SEPTIN9: variants seen among roughly 807,000 people sequenced by gnomAD.
The protein encoded by SEPTIN9 is septin-9.
Under a neutral mutation model 56.6 loss-of-function variants are expected in SEPTIN9, and 13 were observed. The observed-to-expected ratio is 0.23, with a 90% CI of 0.15 to 0.37. The LOEUF (loss-of-function observed/expected upper bound fraction) is 0.37, where lower values mean the gene tolerates loss of function less well. Among genes scored for constraint, SEPTIN9 ranks in the 10% least tolerant of loss-of-function variants. The pLI, the probability that SEPTIN9 is intolerant of heterozygous loss-of-function variation, is 1.00. For synonymous variants in SEPTIN9, 332 were observed against 334.1 expected, an observed-to-expected ratio of 0.99 and a Z score of 0.07; for missense variants, 650 against 823.1, an observed-to-expected ratio of 0.79 and a Z score of 2.57.
rs1201891188 is a variant in SEPTIN9 at position 77,475,339 on chromosome 17, AT to A, written c.722-6803del. 15 of 1,431,566 alleles carry A rather than the reference AT, an allele frequency of 1.0e-5. No homozygotes were observed. The highest frequency in any genetic ancestry group is 1.4e-5 in the African/African-American group (1 of 69,620). 88.7% of individuals were successfully genotyped at this position (1,431,566 alleles called of 1,614,324 possible). A position where few individuals can be genotyped will look rare whatever the true frequency, so the allele number is the denominator to read the frequency against. On this transcript the variant is annotated intron_variant, in intron 3 of 11. Coordinates refer to ENST00000427177, the MANE Select transcript of SEPTIN9 (RefSeq NM_001113491.2). This position sits in a 1 kb window ranked among gnomAD's most constrained non-coding sequence, Gnocchi z 4.6. The stretch of plus-strand genomic sequence containing the variant: ...GGTTGCGAGGCAGGGCTTCCCCAGG[AT>A]TCAGCAGGGATCTGAAGGACTTTGC...
chr17:77,292,493 T>G (rs1313314364), intron 1 of SEPTIN9, among the ~76,000 whole-genome samples: 1 of 151,890 alleles, frequency 6.6e-6, no homozygotes, highest in East Asian at 1.9e-4. Context: ...TTTTTTGTTT[T>G]TTTTTTTTTA....
At chr17:77,362,040 G>A (rs1435103922) in intron 2 of SEPTIN9, among the ~76,000 whole-genome samples, 1 of 152,220 alleles carries the variant, frequency 6.6e-6, no homozygotes, top group African/African-American at 2.4e-5. Flanking sequence ...TGGGGGAGGG[G>A]CCAAGGGCCT....
chr17:77,438,445 G>A (rs776008034), intron 3 of SEPTIN9, among the ~76,000 whole-genome samples: 4 of 152,184 alleles, frequency 2.6e-5, no homozygotes, highest in Non-Finnish European at 5.9e-5. Flanking sequence ...CTGGGACTAC[G>A]TTAGGTGACA....
chr17:77,359,051 G>A (rs1598249439), intron 2 of SEPTIN9, among the ~76,000 whole-genome samples: 1 of 152,142 alleles, frequency 6.6e-6, no homozygotes, highest in Admixed American at 6.6e-5. Context: ...CCAGCCAGAG[G>A]GAAGGGAAGA....
chr17:77,456,846 A>T lies in SEPTIN9; in HGVS notation c.722-25298A>T, dbSNP rs2038226869. 6.6e-6 allele frequency among the ~76,000 whole-genome samples: 1 copy of T among 151,998 alleles called. No homozygotes were observed. Among genetic ancestry groups the T allele is most frequent in the Admixed American group, 6.5e-5 (1 of 15,274 alleles). On this transcript the variant is annotated intron_variant, in intron 3 of 11. Transcript: ENST00000427177. The surrounding 1 kb of genome is among the most constrained non-coding windows in gnomAD (Gnocchi z 6.0). The stretch of plus-strand genomic sequence containing the variant: ...CCAAGGACAAGTCCCCACGGCCAAT[A>T]CCAGATCCCAGTGACCAGCACTAGA...
chr17:77,441,480 C>G (rs1490961269), intron 3 of SEPTIN9, among the ~76,000 whole-genome samples: 1 of 152,196 alleles, frequency 6.6e-6, no homozygotes. Context: ...TTTTATGTTG[C>G]TAGCTCATAT....
At position 77,289,244 on chromosome 17, in the gene SEPTIN9, G is replaced by A. The variant is rs183595370; in HGVS notation, c.19+7690G>A. On this transcript the variant is annotated intron_variant, in intron 1 of 11. Transcript: ENST00000427177. ...CCTGAATAGCTGGGATTACAGGCAC[G>A]CGCCACCATGCCTGGCTAATTTTTG... is the stretch of plus-strand genomic sequence containing the variant. 1.4e-4 allele frequency among the ~76,000 whole-genome samples: 18 copies of A among 127,638 alleles called. No homozygotes were observed. In the East Asian group the frequency reaches 1.5e-3, roughly 10 times the overall value. 83.7% of individuals were successfully genotyped at this position (127,638 alleles called of 152,430 possible).
chr17:77,441,082 G>A (rs540799572), intron 3 of SEPTIN9, among the ~76,000 whole-genome samples: 3 of 152,336 alleles, frequency 2.0e-5, no homozygotes, highest in African/African-American at 7.2e-5. Context: ...TCAGCCTCTG[G>A]TGTGCTGGGC....
Position 77,499,213 on chromosome 17 carries a change from TC to T in SEPTIN9, c.*557del. On this transcript the variant is annotated 3_prime_UTR_variant, in exon 12 of 12. Coordinates refer to ENST00000427177, the MANE Select transcript of SEPTIN9 (RefSeq NM_001113491.2). Reference sequence around the variant, plus strand: ...TGCCCTGCTCCTAAGGGTAGAAAACTCCAGGGTCCCCTGCCACCGACTGCCC... The same window carrying T: ...TGCCCTGCTCCTAAGGGTAGAAAACTCAGGGTCCCCTGCCACCGACTGCCC... 1 of 565,662 alleles carries T rather than the reference TC, an allele frequency of 1.8e-6. No individual in the cohort carries two copies. 35.0% of individuals were successfully genotyped at this position (565,662 alleles called of 1,614,324 possible).
intron 3 of SEPTIN9, among the ~76,000 whole-genome samples, chr17:77,473,057 C>T (rs1394262682): frequency 6.6e-6 from 1 of 152,162 alleles, no homozygotes; most frequent in African/African-American, 2.4e-5. Context: ...GTTTTCAGAG[C>T]CCCCCAGGGA....
Position 77,475,606 on chromosome 17 carries a change from G to A in SEPTIN9, c.722-6538G>A. On this transcript the variant is annotated intron_variant, in intron 3 of 11. Coordinates refer to ENST00000427177, the MANE Select transcript of SEPTIN9 (RefSeq NM_001113491.2). This position sits in a 1 kb window ranked among gnomAD's most constrained non-coding sequence, Gnocchi z 4.6. ...CCAGGGTCTGGATTCAGGGGAGCCT[G>A]CAGAGGGAGGGCAGCTGGAGGCTGC... The A allele has an allele frequency of 6.2e-7, 1 of 1,613,702 alleles. No individual in the cohort carries two copies. Among genetic ancestry groups the A allele is most frequent in the Non-Finnish European group, 8.5e-7 (1 of 1,179,852 alleles).
Position 77,406,915 on chromosome 17 carries a change from C to T in SEPTIN9, c.721+4212C>T, listed in dbSNP as rs1486388736. 2.0e-5 allele frequency among the ~76,000 whole-genome samples: 3 copies of T among 152,156 alleles called. No homozygotes were observed. In the East Asian group the frequency reaches 5.8e-4, roughly 29 times the overall value. On this transcript the variant is annotated intron_variant, in intron 3 of 11. Coordinates refer to ENST00000427177, the MANE Select transcript of SEPTIN9 (RefSeq NM_001113491.2). ...CGAACTCCTGACCTCGTGACCCACC[C>T]ACCTCAGCTTCCCTGACCTCCCAAA...
chr17:77,321,762 G>A (rs2032944101), intron 2 of SEPTIN9, among the ~76,000 whole-genome samples: 1 of 152,338 alleles, frequency 6.6e-6, no homozygotes, highest in South Asian at 2.1e-4. Context: ...ACACCCAGTC[G>A]GGCACAGCAG....
intron 3 of SEPTIN9, among the ~76,000 whole-genome samples, chr17:77,464,285 C>G (rs563532179): frequency 6.6e-6 from 1 of 152,202 alleles, no homozygotes; most frequent in South Asian, 2.1e-4. Context: ...ACCAGGTTGA[C>G]CAGGCTAGTC....
chr17:77,427,073 T>A (rs1001222282), intron 3 of SEPTIN9: 21 of 152,372 alleles, frequency 1.4e-4, no homozygotes, highest in African/African-American at 4.6e-4. Context: ...TGCTCGTGAT[T>A]GGAGCTAAGA....
chr17:77,328,229 C>T (rs902131845), intron 2 of SEPTIN9, among the ~76,000 whole-genome samples: 2 of 152,240 alleles, frequency 1.3e-5, no homozygotes, highest in Admixed American at 1.3e-4. Context: ...CACTGCCTCT[C>T]CCCACTTTCC....
At chr17:77,375,084 A>C (rs2034873323) in intron 2 of SEPTIN9, 1 of 123,956 alleles carries the variant, frequency 8.1e-6, no homozygotes, top group Admixed American at 9.8e-5. Context: ...ATCTTTGGGC[A>C]CATGCTCATA....
intron 1 of SEPTIN9, among the ~76,000 whole-genome samples, chr17:77,302,392 G>A (rs1171137841): frequency 1.3e-5 from 2 of 151,708 alleles, no homozygotes; most frequent in Non-Finnish European, 2.9e-5. Flanking sequence ...ATTAAGAGAA[G>A]CCCCTGGCCG....
chr17:77,287,837 A>G (rs2031346719), intron 1 of SEPTIN9: 3 of 1,001,074 alleles, frequency 3.0e-6, no homozygotes, highest in Non-Finnish European at 3.6e-6. Context: ...GAAAACCTCC[A>G]GGACAGGAAA....
Sources: gnomAD v4.1 joint callset for allele counts (sites outside exome capture counted in the v4.1 genomes callset) on GRCh38, gnomAD v4.1.1 for gene constraint, Gnocchi (gnomAD v3.1) non-coding constraint, MANE v1.5 for transcripts, NCBI Gene and HGNC (gene_info 2026-07-23, HGNC 2026-07-21) for gene names.